Variants in DPP10 observed in about 807,000 individuals in gnomAD.
DPP10 encodes inactive dipeptidyl peptidase 10.
DPP10 carries 33 observed loss-of-function variants against 120.9 expected under a neutral mutation model. The ratio of observed to expected loss-of-function variants is 0.27; its 90% CI spans 0.21 to 0.37. The LOEUF (loss-of-function observed/expected upper bound fraction) is 0.37, where lower values mean the gene tolerates loss of function less well. DPP10 is among the 10% of genes least tolerant of loss of function. The probability of loss-of-function intolerance (pLI) is 1.00; values close to 1 mark genes in which losing one functional copy is unlikely to be tolerated. For synonymous variants in DPP10, 337 were observed against 326.1 expected, an observed-to-expected ratio of 1.03 and a Z score of -0.36; for missense variants, 816 against 942.8, an observed-to-expected ratio of 0.87 and a Z score of 1.76.
chr2:114,647,116 G>C lies in DPP10; in HGVS notation c.60+204278G>C, dbSNP rs1245332366. Among the ~76,000 whole-genome samples, 4 of 152,284 alleles carry C rather than the reference G, an allele frequency of 2.6e-5. No homozygotes were observed. The East Asian group carries it at 7.7e-4, about 29-fold the overall frequency. ...TCCTATGTATATTCAACAGAATCCT[G>C]AAGAAAGCAAGCTGAACACGTTTCC... is the stretch of plus-strand genomic sequence containing the variant. On this transcript the variant is annotated intron_variant, in intron 1 of 25. Coordinates refer to ENST00000410059, the MANE Select transcript of DPP10 (RefSeq NM_020868.6).
intron 3 of DPP10, among the ~76,000 whole-genome samples, chr2:115,372,405 T>TAA (rs34830863): frequency 4.6e-5 from 7 of 151,748 alleles, no homozygotes; most frequent in East Asian, 1.9e-4. Flanking sequence ...CCTTTAGAGG[T>TAA]AAAAAAAGTC....
In DPP10 at chr2:115,607,667, T is replaced by C. The variant is rs116648567; in HGVS notation, c.441+81695T>C. On this transcript the variant is annotated intron_variant, in intron 5 of 25. Transcript: ENST00000410059. ...TTTAATGTGAATCTGTTCCATTAGA[T>C]TGTATGCTTCATATCACACTTGTTT... Among the ~76,000 whole-genome samples, 917 of 152,330 alleles carry C rather than the reference T, an allele frequency of 6.0e-3. 1 individual carries two copies. Among genetic ancestry groups the C allele is most frequent in the African/African-American group, 0.019 (803 of 41,560 alleles).
intron 21 of DPP10, among the ~76,000 whole-genome samples, chr2:115,831,489 C>T (rs1049720008): frequency 1.3e-5 from 2 of 152,092 alleles, no homozygotes; most frequent in Non-Finnish European, 2.9e-5. Context: ...CCGCTGGCCT[C>T]GGCCTCCCAA....
At chr2:115,546,849 G>A (rs532607372) in intron 5 of DPP10, among the ~76,000 whole-genome samples, 61 of 152,228 alleles carry the variant, frequency 4.0e-4, no homozygotes, top group African/African-American at 1.4e-3. Flanking sequence ...TTTCACTATT[G>A]TGAGACAGGT....
chr2:115,697,541 A>G (rs2091658861), intron 7 of DPP10, among the ~76,000 whole-genome samples: 1 of 151,804 alleles, frequency 6.6e-6, no homozygotes, highest in Admixed American at 6.6e-5. Flanking sequence ...ATAACAGACC[A>G]TCAAAATATA....
intron 1 of DPP10, among the ~76,000 whole-genome samples, chr2:114,715,709 A>G (rs1701303166): frequency 6.6e-6 from 1 of 152,124 alleles, no homozygotes; most frequent in African/African-American, 2.4e-5. Flanking sequence ...TTCCAGTACA[A>G]AAAAGCTGGG....
At chr2:114,718,871 T>C (rs1028964466) in intron 1 of DPP10, among the ~76,000 whole-genome samples, 2 of 152,352 alleles carry the variant, frequency 1.3e-5, no homozygotes, top group East Asian at 3.9e-4. Context: ...TTCTTTGTAA[T>C]GTCACAGGGG....
intron 1 of DPP10, among the ~76,000 whole-genome samples, chr2:115,270,456 T>C (rs1042005215): frequency 1.3e-5 from 2 of 152,132 alleles, no homozygotes; most frequent in Non-Finnish European, 2.9e-5. Flanking sequence ...CCGTTAGGCT[T>C]TCCCATAGAG....
At chr2:114,895,223 G>A (rs534985756) in intron 1 of DPP10, among the ~76,000 whole-genome samples, 3 of 152,236 alleles carry the variant, frequency 2.0e-5, no homozygotes, top group South Asian at 2.1e-4. Flanking sequence ...AAAATAAAAC[G>A]ACGTGTGGAT....
At chr2:115,425,144 G>A (rs972057167) in intron 3 of DPP10, among the ~76,000 whole-genome samples, 10 of 152,282 alleles carry the variant, frequency 6.6e-5, no homozygotes, top group African/African-American at 2.2e-4. Context: ...GGGTAGAGGT[G>A]CTGGCCCCTA....
At chr2:115,703,023 A>G (rs2091954500) in intron 7 of DPP10, among the ~76,000 whole-genome samples, 1 of 151,810 alleles carries the variant, frequency 6.6e-6, no homozygotes, top group Non-Finnish European at 1.5e-5. Context: ...AAATTGATAT[A>G]ATTAATAAAA....
intron 5 of DPP10, among the ~76,000 whole-genome samples, chr2:115,608,694 A>T (rs932950575): frequency 5.3e-5 from 8 of 152,180 alleles, no homozygotes; most frequent in African/African-American, 9.7e-5. Context: ...TGATGATCAG[A>T]TATGTGAGCA....
At position 114,838,593 on chromosome 2, in the gene DPP10, C is replaced by T. The variant is rs148626767; in HGVS notation, c.60+395755C>T. On this transcript the variant is annotated intron_variant, in intron 1 of 25. Transcript: ENST00000410059. ...ATTACAGGTATGAGCCACTGTGCCC[C>T]GCCCTAATTTTTAAATTTCAAATTT... 7.9e-3 allele frequency among the ~76,000 whole-genome samples: 1,200 copies of T among 152,074 alleles called. 12 individuals are homozygous for T. The highest frequency in any genetic ancestry group is 0.028 in the African/African-American group (1,150 of 41,484).
chr2:115,416,861 G>A (rs1004882500), intron 3 of DPP10, among the ~76,000 whole-genome samples: 1 of 152,104 alleles, frequency 6.6e-6, no homozygotes, highest in South Asian at 2.1e-4. Flanking sequence ...TATATAAAGA[G>A]ATTGAAATTT....
chr2:115,183,345 T>G (rs941975733), intron 1 of DPP10, among the ~76,000 whole-genome samples: 1 of 152,170 alleles, frequency 6.6e-6, no homozygotes, highest in Non-Finnish European at 1.5e-5. Flanking sequence ...AAGCCACGTG[T>G]GCATTTTAAG....
chr2:115,178,232 C>T (rs1559191643), intron 1 of DPP10, among the ~76,000 whole-genome samples: 1 of 152,116 alleles, frequency 6.6e-6, no homozygotes, highest in African/African-American at 2.4e-5. Context: ...GCTCTCCACA[C>T]ATTGCCTGAC....
At chr2:115,334,283 A>G (rs1260998114) in intron 2 of DPP10, among the ~76,000 whole-genome samples, 2 of 109,116 alleles carry the variant, frequency 1.8e-5, no homozygotes, top group African/African-American at 6.8e-5. Context: ...GAGATTAGAA[A>G]GAGTAAGAAA....
chr2:114,478,583 A>AAGG, intron 1 of DPP10, among the ~76,000 whole-genome samples: 1 of 152,040 alleles, frequency 6.6e-6, no homozygotes, highest in Non-Finnish European at 1.5e-5. Flanking sequence ...AAAAATAAAT[A>AAGG]AGGAAGGAAG....
chr2:114,690,611 T>C (rs1699674561), intron 1 of DPP10, among the ~76,000 whole-genome samples: 1 of 152,124 alleles, frequency 6.6e-6, no homozygotes, highest in South Asian at 2.1e-4. Context: ...TTTTTCTAAT[T>C]CTGTGAAGAA....
Sources: gnomAD v4.1 joint callset for allele counts (sites outside exome capture counted in the v4.1 genomes callset) on GRCh38, gnomAD v4.1.1 for gene constraint, MANE v1.5 for transcripts, NCBI Gene and HGNC (gene_info 2026-07-23, HGNC 2026-07-21) for gene names.